UHMK1: variants seen among roughly 807,000 people sequenced by gnomAD.
The protein encoded by UHMK1 is serine/threonine-protein kinase Kist.
In UHMK1, 18 loss-of-function variants were observed where a neutral mutation model predicts 44.0. That is an observed-to-expected ratio of 0.41 (90% confidence interval 0.28 to 0.61). The LOEUF is 0.61. Ranked by LOEUF, UHMK1 falls within the 20% of genes least tolerant of loss-of-function variation. The pLI is 0.31. For missense variants in UHMK1, 463 were observed against 522.5 expected (o/e 0.89, Z 1.11); for synonymous variants, 231 against 198.5 (o/e 1.16, Z -1.38).
At chr1:162,511,189 CTTTTTT>C (rs142796500) in intron 4 of UHMK1, among the ~76,000 whole-genome samples, 3 of 101,002 alleles carry the variant, frequency 3.0e-5, no homozygotes, top group African/African-American at 4.1e-5. Flanking sequence ...TTTTCTTTTT[CTTTTTT>C]TTTTTTTTTT....
In UHMK1 at chr1:162,526,880, A is replaced by G. The variant is rs1274902578; in HGVS notation, c.*4330A>G. 6.6e-6 allele frequency: 1 copy of G among 152,116 alleles called. No individual in the cohort carries two copies. The highest frequency in any genetic ancestry group is 1.5e-5 in the Non-Finnish European group (1 of 67,970). 9.4% of individuals were successfully genotyped at this position (152,116 alleles called of 1,614,324 possible). ...AATTTTACTACTGTAGCTCTGTGAT[A>G]TAATTTCATTTCTTGTCAATTATGG... On this transcript the variant is annotated 3_prime_UTR_variant, in exon 8 of 8. Coordinates refer to ENST00000489294, the MANE Select transcript of UHMK1 (RefSeq NM_175866.5).
At chr1:162,520,061 T>G (rs1014253457) in intron 7 of UHMK1, among the ~76,000 whole-genome samples, 3 of 152,146 alleles carry the variant, frequency 2.0e-5, no homozygotes, top group African/African-American at 4.8e-5. Flanking sequence ...CCACCACACC[T>G]GGCTAATTTT....
At chr1:162,506,819 G>A (rs868023245) in intron 4 of UHMK1, among the ~76,000 whole-genome samples, 2 of 151,854 alleles carry the variant, frequency 1.3e-5, no homozygotes, top group African/African-American at 2.4e-5. Context: ...AGCTAAGATC[G>A]TGCCACTGCA....
chr1:162,516,518 C>T (rs965173847), intron 6 of UHMK1, among the ~76,000 whole-genome samples: 11 of 151,992 alleles, frequency 7.2e-5, no homozygotes, highest in Non-Finnish European at 1.0e-4. Context: ...AAAAAGACAT[C>T]GTAGAATTTT....
Position 162,500,136 on chromosome 1 carries a change from T to TC in UHMK1, c.451dup (p.His151ProfsTer2). 1 of 1,614,194 alleles carries TC rather than the reference T, an allele frequency of 6.2e-7. No individual in the cohort carries two copies. The highest frequency in any genetic ancestry group is 8.5e-7 in the Non-Finnish European group (1 of 1,180,032). On this transcript the variant is annotated frameshift_variant, in exon 2 of 8. Transcript: ENST00000489294. LOFTEE classifies it high-confidence loss of function. ...TTTTGGAGGCCCTTGCTTTTCTTCA[T>TC]CATGAGGGCTATGTCCATGCGGACC...
chr1:162,524,592 A>T lies in UHMK1; in HGVS notation c.*2042A>T, dbSNP rs892174435. 3 of 152,214 alleles carry T rather than the reference A, an allele frequency of 2.0e-5. No individual in the cohort carries two copies. The highest frequency in any genetic ancestry group is 7.2e-5 in the African/African-American group (3 of 41,458). 9.4% of individuals were successfully genotyped at this position (152,214 alleles called of 1,614,324 possible). On this transcript the variant is annotated 3_prime_UTR_variant, in exon 8 of 8. Coordinates refer to ENST00000489294, the MANE Select transcript of UHMK1 (RefSeq NM_175866.5). ...AACATGGGATACAAAGGAATTCTTT[A>T]TAAGGGCAAGTATCCTAAGTTAGCA...
intron 6 of UHMK1, among the ~76,000 whole-genome samples, chr1:162,517,843 C>T (rs1651886889): frequency 6.6e-6 from 1 of 151,950 alleles, no homozygotes. Flanking sequence ...CGCCACTGCA[C>T]TCCAGCCTGG....
chr1:162,508,608 A>G (rs1023875099), intron 4 of UHMK1, among the ~76,000 whole-genome samples: 5 of 151,792 alleles, frequency 3.3e-5, no homozygotes, highest in Non-Finnish European at 7.4e-5. Flanking sequence ...AGGCTGAGGC[A>G]GGAGGATCGA....
At chr1:162,497,743 C>T, upstream of UHMK1, 1 of 1,247,222 alleles carries the variant, frequency 8.0e-7, no homozygotes, top group Non-Finnish European at 1.0e-6. Context: ...CGTCTAATCT[C>T]TTCTAGGCCC....
intron 3 of UHMK1, among the ~76,000 whole-genome samples, chr1:162,502,487 G>A (rs1651308217): frequency 6.6e-6 from 1 of 151,992 alleles, no homozygotes; most frequent in Non-Finnish European, 1.5e-5. Flanking sequence ...AGAGTCTTAC[G>A]TATTCTTTCT....
At chr1:162,505,170 T>C (rs1040444212) in intron 4 of UHMK1, among the ~76,000 whole-genome samples, 1 of 152,208 alleles carries the variant, frequency 6.6e-6, no homozygotes, top group African/African-American at 2.4e-5. Context: ...TTAAAATTTT[T>C]TGTTAAAAAC....
chr1:162,529,156 A>G lies in UHMK1; in HGVS notation c.*6606A>G, dbSNP rs1045901. On this transcript the variant is annotated 3_prime_UTR_variant, in exon 8 of 8. Coordinates refer to ENST00000489294, the MANE Select transcript of UHMK1 (RefSeq NM_175866.5). ...CAATACATAGTGAATAGTTGTCTGT[A>G]ACATTTCTACCAGTTGTTTCAGTAG... 69,568 of 151,892 alleles carry G rather than the reference A, an allele frequency of 0.46. 15,975 individuals carry two copies. The highest frequency in any genetic ancestry group is 0.47 in the East Asian group (2,449 of 5,162). The allele number at this position is 151,892 out of a possible 1,614,324, so 9.4% of individuals were successfully genotyped here. A position where few individuals can be genotyped will look rare whatever the true frequency, so the allele number is the denominator to read the frequency against.
At chr1:162,517,808 C>A (rs923269120) in intron 6 of UHMK1, among the ~76,000 whole-genome samples, 1 of 151,946 alleles carries the variant, frequency 6.6e-6, no homozygotes, top group Non-Finnish European at 1.5e-5. Flanking sequence ...TCGCTTGAAC[C>A]CGAGAGGCGG....
Position 162,499,098 on chromosome 1 carries a change from C to A in UHMK1, c.268+830C>A, listed in dbSNP as rs533588287. On this transcript the variant is annotated intron_variant, in intron 1 of 7. Coordinates refer to ENST00000489294, the MANE Select transcript of UHMK1 (RefSeq NM_175866.5). Reference sequence around the variant, plus strand: ...TTGCAAGCCTAGGGACTTGCCTGATCTCTGCAAGATTAAAATTTCATCCGA... The same window carrying A: ...TTGCAAGCCTAGGGACTTGCCTGATATCTGCAAGATTAAAATTTCATCCGA... Among the ~76,000 whole-genome samples the A allele has an allele frequency of 2.6e-5, 4 of 152,104 alleles. No homozygotes were observed. In the South Asian group the frequency reaches 6.2e-4, roughly 24 times the overall value.
intron 6 of UHMK1, chr1:162,513,239 CCT>C (rs1328499813): frequency 6.0e-6 from 1 of 167,654 alleles, no homozygotes; most frequent in Non-Finnish European, 1.3e-5. Flanking sequence ...TGTGCCCAGC[CCT>C]CTCACTTTTT....
chr1:162,505,171 T>C (rs900309114), intron 4 of UHMK1, among the ~76,000 whole-genome samples: 2 of 152,196 alleles, frequency 1.3e-5, no homozygotes, highest in Non-Finnish European at 2.9e-5. Context: ...TAAAATTTTT[T>C]GTTAAAAACT....
chr1:162,518,791 A>G (rs1651934672), intron 7 of UHMK1, among the ~76,000 whole-genome samples: 1 of 151,892 alleles, frequency 6.6e-6, no homozygotes, highest in Non-Finnish European at 1.5e-5. Flanking sequence ...GTTTGAGACC[A>G]GCCTGGCCAA....
chr1:162,500,874 G>C, intron 2 of UHMK1, 39 bp from the exon 3 acceptor site: 2 of 1,578,410 alleles, frequency 1.3e-6, no homozygotes, highest in Non-Finnish European at 1.7e-6. Flanking sequence ...AAAGGGAGCA[G>C]CTTTTTTATT....
At position 162,498,103 on chromosome 1, in the gene UHMK1, G is replaced by A; in HGVS notation, c.103G>A (p.Ala35Thr). ...VQSRLGSGSS[A>T]SVYRVRCCGN... Reference sequence around the variant, plus strand: ...GAGCCGTCTGGGTAGCGGCTCCTCCGCCTCGGTGTATCGGGTTCGCTGCTG... The same window carrying A: ...GAGCCGTCTGGGTAGCGGCTCCTCCACCTCGGTGTATCGGGTTCGCTGCTG... Residue 35 changes from alanine to threonine, a missense_variant, in exon 1 of 8, where the codon GCC becomes ACC. Around this residue, in one of 3 missense-constraint regions of UHMK1, gnomAD observed 191 missense variants for 176.0 expected, o/e 1.09. Transcript: ENST00000489294. 1 of 1,611,798 alleles carries A rather than the reference G, an allele frequency of 6.2e-7. No homozygotes were observed. Among genetic ancestry groups the A allele is most frequent in the Non-Finnish European group, 8.5e-7 (1 of 1,179,604 alleles).
Sources: gnomAD v4.1 joint callset for allele counts (sites outside exome capture counted in the v4.1 genomes callset) on GRCh38, gnomAD v4.1.1 for gene constraint, gnomAD v4.1.1 regional missense constraint, MANE v1.5 for transcripts, NCBI Gene and HGNC (gene_info 2026-07-23, HGNC 2026-07-21) for gene names.